The following DLG5 variants were observed in gnomAD, a reference collection of about 807,000 sequenced individuals.
DLG5 encodes the protein disks large homolog 5.
In DLG5, 48 loss-of-function variants were observed where a neutral mutation model predicts 189.8. The observed-to-expected ratio is 0.25, with a 90% CI of 0.20 to 0.32. The LOEUF (loss-of-function observed/expected upper bound fraction) is 0.32, where lower values mean the gene tolerates loss of function less well. Among genes scored for constraint, DLG5 ranks in the 10% least tolerant of loss-of-function variants. The pLI is 1.00. For missense variants in DLG5, 2,160 were observed against 2,544.7 expected (o/e 0.85, Z 3.25); for synonymous variants, 1,016 against 1,054.1 (o/e 0.96, Z 0.70).
chr10:77,883,737 C>A (rs527879699), intron 1 of DLG5, among the ~76,000 whole-genome samples: 1 of 127,296 alleles, frequency 7.9e-6, no homozygotes, highest in East Asian at 2.3e-4. Context: ...CCCTCTGTTG[C>A]CCAGGCTGGA....
Position 77,794,958 on chromosome 10 carries a change from T to G in DLG5, c.5437A>C (p.Asn1813His). 1 of 1,613,164 alleles carries G rather than the reference T, an allele frequency of 6.2e-7. No homozygotes were observed. ...GCAATGTCCAGGAGGCAGTGTCGGT[T>G]CTGGGGTGGGGGGTGCAGAGTGAGC... ...VASIKEITEKNRHCLLDIAPH... is the reference protein window; with the variant it reads ...VASIKEITEKHRHCLLDIAPH... Residue 1813 changes from asparagine to histidine, a missense_variant and splice_region_variant, in exon 30 of 32, where the codon AAC becomes CAC. Coordinates refer to ENST00000372391, the MANE Select transcript of DLG5 (RefSeq NM_004747.4).
intron 1 of DLG5, among the ~76,000 whole-genome samples, chr10:77,880,375 AC>A (rs1441363226): frequency 5.9e-5 from 9 of 152,134 alleles, no homozygotes; most frequent in African/African-American, 2.2e-4. Context: ...AATTGCTTGA[AC>A]CCAGGAGGCG....
chr10:77,936,940 A>G, the DLG5 span, among the ~76,000 whole-genome samples: 3 of 151,862 alleles, frequency 2.0e-5, no homozygotes, highest in African/African-American at 2.4e-5. Flanking sequence ...TACTTCTCCC[A>G]AAGGATTGAC....
At chr10:77,830,449 C>T in intron 10 of DLG5, 105 bp from the exon 11 acceptor site, 3 of 1,526,530 alleles carry the variant, frequency 2.0e-6, no homozygotes, top group Non-Finnish European at 2.7e-6. Flanking sequence ...ACTGTCCCTT[C>T]ACCTCATCTG....
chr10:77,805,575 C>G (rs1841426448), intron 27 of DLG5, 90 bp downstream of exon 27: 1 of 1,415,216 alleles, frequency 7.1e-7, no homozygotes, highest in Non-Finnish European at 9.6e-7. Context: ...AAGTAAGACT[C>G]TCTTTTGTTT....
chr10:77,838,649 G>A (rs991804944), intron 7 of DLG5, among the ~76,000 whole-genome samples: 9 of 152,214 alleles, frequency 5.9e-5, no homozygotes, highest in African/African-American at 1.9e-4. Flanking sequence ...AGACAGAAGC[G>A]TGCAAGCACG....
chr10:77,913,198 G>A (rs976706654), intron 1 of DLG5, among the ~76,000 whole-genome samples: 1 of 152,162 alleles, frequency 6.6e-6, no homozygotes, highest in Non-Finnish European at 1.5e-5. Context: ...TTTCAGGATT[G>A]CAAGTCGCCA....
At chr10:77,921,317 G>A (rs529253674) in intron 1 of DLG5, among the ~76,000 whole-genome samples, 10 of 152,308 alleles carry the variant, frequency 6.6e-5, no homozygotes, top group Admixed American at 1.3e-4. Flanking sequence ...GCTGGTACCC[G>A]AAGGAAGTGG....
intron 1 of DLG5, among the ~76,000 whole-genome samples, chr10:77,878,813 T>A (rs1304911746): frequency 6.6e-6 from 1 of 152,174 alleles, no homozygotes; most frequent in Non-Finnish European, 1.5e-5. Flanking sequence ...ACAGTGTGCC[T>A]GGAATCATAC....
At chr10:77,805,971 C>CA in intron 26 of DLG5, 110 bp from the exon 27 acceptor site, 1 of 1,086,252 alleles carries the variant, frequency 9.2e-7, no homozygotes, top group Non-Finnish European at 1.3e-6. Flanking sequence ...GGGCTCCCCC[C>CA]ACACTCCTTG....
intron 2 of DLG5, among the ~76,000 whole-genome samples, chr10:77,858,873 TTG>T (rs989596440): frequency 6.6e-6 from 1 of 152,108 alleles, no homozygotes; most frequent in Non-Finnish European, 1.5e-5. Context: ...TGTATTCTTT[TTG>T]TGTGTGTGTG....
intron 9 of DLG5, among the ~76,000 whole-genome samples, chr10:77,832,768 G>T (rs1342931344): frequency 6.6e-6 from 1 of 152,160 alleles, no homozygotes; most frequent in African/African-American, 2.4e-5. Context: ...CCATGTTCAC[G>T]GCCAGAGATT....
intron 1 of DLG5, among the ~76,000 whole-genome samples, chr10:77,923,391 G>A (rs1225391757): frequency 6.6e-6 from 1 of 152,072 alleles, no homozygotes; most frequent in Non-Finnish European, 1.5e-5. Flanking sequence ...TGACCATAAG[G>A]AATACTTCCT....
intron 1 of DLG5, among the ~76,000 whole-genome samples, chr10:77,873,613 T>C (rs892683391): frequency 5.3e-5 from 8 of 151,970 alleles, no homozygotes; most frequent in Non-Finnish European, 1.2e-4. Flanking sequence ...CCATAGACCA[T>C]GAGGCCCAAG....
chr10:77,884,534 G>T (rs990199498), intron 1 of DLG5, among the ~76,000 whole-genome samples: 1 of 152,144 alleles, frequency 6.6e-6, no homozygotes, highest in Admixed American at 6.5e-5. Context: ...CCAGAGACAT[G>T]GTTCATGGTG....
intron 4 of DLG5, 121 bp from the exon 5 acceptor site, chr10:77,853,658 G>A: frequency 9.6e-7 from 1 of 1,044,024 alleles, no homozygotes; most frequent in Non-Finnish European, 1.3e-6. Flanking sequence ...AGGAGCCAAT[G>A]GCAGGTAGGT....
Position 77,829,664 on chromosome 10 carries a change from C to CAGG in DLG5, c.2010-137_2010-135dup, listed in dbSNP as rs936011185. 8 of 1,078,178 alleles carry CAGG rather than the reference C, an allele frequency of 7.4e-6. No individual in the cohort carries two copies. The Admixed American group carries it at 1.9e-4, about 26-fold the overall frequency. 66.8% of individuals were successfully genotyped at this position (1,078,178 alleles called of 1,614,324 possible). On this transcript the variant is annotated intron_variant, in intron 11 of 31. Coordinates refer to ENST00000372391, the MANE Select transcript of DLG5 (RefSeq NM_004747.4). ...TACACGCTCAGAAAATCTCCTCTTGCAGGAGTGCACAGTGGTGAAATTTGC... is the reference window on the plus strand; with the variant it reads ...TACACGCTCAGAAAATCTCCTCTTGCAGGAGGAGTGCACAGTGGTGAAATTTGC...
intron 1 of DLG5, among the ~76,000 whole-genome samples, chr10:77,890,334 C>G (rs115463693): frequency 6.6e-6 from 1 of 152,144 alleles, no homozygotes; most frequent in Non-Finnish European, 1.5e-5. Context: ...CTCTTGTGCT[C>G]GTCACTTCCT....
At position 77,819,302 on chromosome 10, in the gene DLG5, G is replaced by C; in HGVS notation, c.3671+19C>G. Reference sequence around the variant, plus strand: ...TTGGGCAGCTGGAGTACAGAGAAGCGTAGGGTGCCTTCACATACCTGGGAT... The same window carrying C: ...TTGGGCAGCTGGAGTACAGAGAAGCCTAGGGTGCCTTCACATACCTGGGAT... On this transcript the variant is annotated intron_variant, in intron 17 of 31. Transcript: ENST00000372391. 6.2e-7 allele frequency: 1 copy of C among 1,613,550 alleles called. No homozygotes were observed. The highest frequency in any genetic ancestry group is 8.5e-7 in the Non-Finnish European group (1 of 1,179,904).
Sources: allele counts gnomAD v4.1 joint callset (sites outside exome capture counted in the v4.1 genomes callset), GRCh38; gene constraint gnomAD v4.1.1; transcripts MANE v1.5; gene names NCBI Gene and HGNC (gene_info 2026-07-23, HGNC 2026-07-21).